Variants in GRM8 observed in about 807,000 individuals in gnomAD.
The protein encoded by GRM8 is metabotropic glutamate receptor 8.
A neutral mutation model predicts 87.2 loss-of-function variants in GRM8; 47 were observed. The observed-to-expected ratio is 0.54, with a 90% CI of 0.43 to 0.69. The LOEUF (loss-of-function observed/expected upper bound fraction) is 0.69. Ranked by LOEUF, GRM8 falls within the 30% of genes least tolerant of loss-of-function variation. GRM8 has a pLI of 0.00. For synonymous variants in GRM8, 396 were observed against 404.5 expected (o/e 0.98, Z 0.25); for missense variants, 1,019 against 1,139.2 (o/e 0.89, Z 1.52).
At chr7:126,540,250 A>G (rs1658615206) in intron 8 of GRM8, among the ~76,000 whole-genome samples, 1 of 152,168 alleles carries the variant, frequency 6.6e-6, no homozygotes, top group African/African-American at 2.4e-5. Context: ...AAACCAGTGC[A>G]CCAACTAGGA....
intron 3 of GRM8, among the ~76,000 whole-genome samples, chr7:126,904,888 G>A (rs1412880206): frequency 6.6e-6 from 1 of 152,084 alleles, no homozygotes; most frequent in Non-Finnish European, 1.5e-5. Context: ...TCAGACATGG[G>A]TTTCTTTCCC....
intron 2 of GRM8, among the ~76,000 whole-genome samples, chr7:127,219,862 G>C (rs1051899693): frequency 6.6e-6 from 1 of 152,086 alleles, no homozygotes; most frequent in Non-Finnish European, 1.5e-5. Context: ...AGACCACCAC[G>C]GATCTGCTGA....
intron 7 of GRM8, among the ~76,000 whole-genome samples, chr7:126,758,451 G>A (rs1236170239): frequency 1.3e-5 from 2 of 152,060 alleles, no homozygotes; most frequent in Non-Finnish European, 2.9e-5. Context: ...AAAAGTTCAC[G>A]ATCCTAGCCT....
intron 7 of GRM8, among the ~76,000 whole-genome samples, chr7:126,757,169 C>T (rs544028728): frequency 5.1e-4 from 78 of 152,096 alleles, no homozygotes; most frequent in Non-Finnish European, 9.7e-4. Context: ...TTAAAAATTG[C>T]TGTGAAATGA....
intron 1 of GRM8, chr7:127,251,325 G>C (rs1798853182): frequency 6.6e-6 from 1 of 152,212 alleles, no homozygotes; most frequent in South Asian, 2.1e-4. Context: ...GCGCGTGTCA[G>C]ACGAAGGGAA....
chr7:126,985,189 G>T (rs1811930711), intron 3 of GRM8, among the ~76,000 whole-genome samples: 2 of 152,232 alleles, frequency 1.3e-5, no homozygotes, highest in South Asian at 4.1e-4. Flanking sequence ...CTTGTCACGT[G>T]CATGAAGCCC....
At chr7:126,842,165 C>T (rs185981527) in intron 6 of GRM8, among the ~76,000 whole-genome samples, 2 of 152,092 alleles carry the variant, frequency 1.3e-5, no homozygotes, top group Non-Finnish European at 2.9e-5. Flanking sequence ...CTAAAGAGAA[C>T]AAAGGTCAAA....
chr7:126,630,209 A>C (rs1801125269), intron 7 of GRM8, among the ~76,000 whole-genome samples: 2 of 152,136 alleles, frequency 1.3e-5, no homozygotes, highest in South Asian at 4.1e-4. Flanking sequence ...TCAAAGAAAA[A>C]ATTAAAATTA....
chr7:126,905,366 G>C (rs1407409277), intron 3 of GRM8, among the ~76,000 whole-genome samples: 1 of 152,102 alleles, frequency 6.6e-6, no homozygotes, highest in Non-Finnish European at 1.5e-5. Flanking sequence ...AGGCAATGAA[G>C]GACAAAAGAG....
At chr7:127,114,116 T>C (rs1207277300) in intron 2 of GRM8, among the ~76,000 whole-genome samples, 5 of 152,292 alleles carry the variant, frequency 3.3e-5, no homozygotes, top group East Asian at 3.9e-4. Flanking sequence ...CAGGACTGGC[T>C]CAGAATAATC....
intron 9 of GRM8, among the ~76,000 whole-genome samples, chr7:126,520,538 A>C (rs966399436): frequency 3.3e-5 from 5 of 152,092 alleles, no homozygotes; most frequent in African/African-American, 9.7e-5. Context: ...TGTCAAGGGA[A>C]TAGTGCCTGG....
At chr7:127,168,708 G>A (rs538377496) in intron 2 of GRM8, among the ~76,000 whole-genome samples, 1 of 152,130 alleles carries the variant, frequency 6.6e-6, no homozygotes, top group South Asian at 2.1e-4. Context: ...GTCTTTTGCA[G>A]GGACATGGAT....
Position 127,243,157 on chromosome 7 carries a change from G to A in GRM8, c.48C>T (p.Leu16=). 6.2e-7 allele frequency: 1 copy of A among 1,613,302 alleles called. No homozygotes were observed. The highest frequency in any genetic ancestry group is 8.5e-7 in the Non-Finnish European group (1 of 1,179,966). ...KRSASCPCFF[L]LTAKFYWILT... ...GGATCCAGTAGAACTTGGCGGTCAAGAGGAAGAAACAAGGGCAAGAGGCTG... is the reference window on the plus strand; with the variant it reads ...GGATCCAGTAGAACTTGGCGGTCAAAAGGAAGAAACAAGGGCAAGAGGCTG... Residue 16 remains leucine (L), a synonymous_variant, in exon 2 of 11, where the codon CTC becomes CTT. Transcript: ENST00000339582.
chr7:126,997,489 C>G (rs530489234), intron 3 of GRM8, among the ~76,000 whole-genome samples: 1 of 147,414 alleles, frequency 6.8e-6, no homozygotes, highest in Admixed American at 6.8e-5. Flanking sequence ...ATAAACAAAA[C>G]CAGAAGTTTG....
chr7:126,442,015 A>T (rs1584615130), intron 10 of GRM8, among the ~76,000 whole-genome samples: 1 of 137,292 alleles, frequency 7.3e-6, no homozygotes, highest in East Asian at 2.1e-4. Context: ...AAAAAAAAAA[A>T]ATCATTGGGC....
At chr7:126,508,424 G>A (rs551679449) in intron 9 of GRM8, among the ~76,000 whole-genome samples, 2 of 151,946 alleles carry the variant, frequency 1.3e-5, no homozygotes, top group African/African-American at 4.8e-5. Context: ...ATTTAAAAAT[G>A]ATATTCCTCC....
intron 3 of GRM8, among the ~76,000 whole-genome samples, chr7:126,914,457 C>G (rs1592371): frequency 0.78 from 118,129 of 152,120 alleles, 46,333 homozygotes; most frequent in East Asian, 0.97. Context: ...CTACCAAAAA[C>G]ACACATGCAC....
intron 7 of GRM8, among the ~76,000 whole-genome samples, chr7:126,635,923 A>T (rs1261029592): frequency 1.3e-5 from 2 of 152,174 alleles, no homozygotes; most frequent in African/African-American, 4.8e-5. Flanking sequence ...CACATCATAA[A>T]TTCACCACTA....
intron 3 of GRM8, among the ~76,000 whole-genome samples, chr7:126,990,524 C>T (rs941453905): frequency 6.6e-6 from 1 of 152,192 alleles, no homozygotes; most frequent in Admixed American, 6.5e-5. Context: ...TAAACCTATG[C>T]AAACAATCCC....
Sources: allele counts gnomAD v4.1 joint callset (sites outside exome capture counted in the v4.1 genomes callset), GRCh38; gene constraint gnomAD v4.1.1; transcripts MANE v1.5; gene names NCBI Gene and HGNC (gene_info 2026-07-23, HGNC 2026-07-21).